The following KCNC2 variants were observed in gnomAD, a reference collection of about 807,000 sequenced individuals.
KCNC2 encodes the protein potassium voltage-gated channel subfamily C member 2.
Under a neutral mutation model 44.5 loss-of-function variants are expected in KCNC2, and 21 were observed. That is an observed-to-expected ratio of 0.47 (90% CI 0.33 to 0.68). The LOEUF (loss-of-function observed/expected upper bound fraction) is 0.68, where lower values mean the gene tolerates loss of function less well. Ranked by LOEUF, KCNC2 falls within the 30% of genes least tolerant of loss-of-function variation. The pLI is 0.01. For missense variants in KCNC2, 589 were observed against 826.2 expected, an observed-to-expected ratio of 0.71 and a Z score of 3.52; for synonymous variants, 391 against 339.1, an observed-to-expected ratio of 1.15 and a Z score of -1.68.
rs984795618 is a variant in KCNC2 at position 75,041,768 on chromosome 12, G to C, written c.*1337C>G. On this transcript the variant is annotated 3_prime_UTR_variant, in exon 5 of 5. Coordinates refer to ENST00000549446, the MANE Select transcript of KCNC2 (RefSeq NM_139137.4). ...CTGCTTAAACCCTGCTTATCAAAAA[G>C]ATTCACAGTGCCGATTAACTTAGGT... 5.0e-6 allele frequency: 5 copies of C among 991,106 alleles called. No homozygotes were observed. In the African/African-American group the frequency reaches 8.7e-5, roughly 17 times the overall value. 61.4% of individuals were successfully genotyped at this position (991,106 alleles called of 1,614,324 possible).
chr12:75,109,051 T>C (rs1319821667), intron 2 of KCNC2, among the ~76,000 whole-genome samples: 1 of 152,194 alleles, frequency 6.6e-6, no homozygotes, highest in Non-Finnish European at 1.5e-5. Flanking sequence ...CATTTCCTAA[T>C]GCAACAGTGG....
chr12:75,069,436 T>A (rs542783477), intron 2 of KCNC2, among the ~76,000 whole-genome samples: 1 of 152,160 alleles, frequency 6.6e-6, no homozygotes, highest in East Asian at 1.9e-4. Flanking sequence ...GTGCTCGGCC[T>A]CAATGTTATA....
At chr12:75,193,503 C>G (rs189948438) in intron 2 of KCNC2, among the ~76,000 whole-genome samples, 1 of 152,094 alleles carries the variant, frequency 6.6e-6, no homozygotes, top group Admixed American at 6.5e-5. Context: ...AGAATTTGCC[C>G]TTAGAATATA....
chr12:75,045,756 A>G (rs771583121), intron 4 of KCNC2, among the ~76,000 whole-genome samples: 18 of 152,090 alleles, frequency 1.2e-4, no homozygotes, highest in Middle Eastern at 3.4e-3. Context: ...ACAAACATGC[A>G]TTCTAAGTAT....
At chr12:75,161,171 T>C (rs1005391555) in intron 2 of KCNC2, among the ~76,000 whole-genome samples, 4 of 151,782 alleles carry the variant, frequency 2.6e-5, no homozygotes, top group African/African-American at 9.6e-5. Flanking sequence ...CTCAGGAGTG[T>C]TTTTTCTTTC....
Position 75,043,043 on chromosome 12 carries a change from A to G in KCNC2, c.*62T>C. 1.3e-6 allele frequency: 2 copies of G among 1,596,644 alleles called. No homozygotes were observed. Among genetic ancestry groups the G allele is most frequent in the South Asian group, 2.2e-5 (2 of 89,226 alleles). On this transcript the variant is annotated 3_prime_UTR_variant, in exon 5 of 5. Coordinates refer to ENST00000549446, the MANE Select transcript of KCNC2 (RefSeq NM_139137.4). ...AACTCTACATTTAATTATTTCCATT[A>G]TGGGGTAAACAGCACTTGAATTAAT...
chr12:75,047,899 A>G (rs1016763757), intron 4 of KCNC2, among the ~76,000 whole-genome samples: 2 of 152,086 alleles, frequency 1.3e-5, no homozygotes, highest in African/African-American at 4.8e-5. Flanking sequence ...ATTCCATTCC[A>G]ATTCTGCCCA....
At chr12:75,119,335 C>T (rs561798503) in intron 2 of KCNC2, among the ~76,000 whole-genome samples, 32 of 148,504 alleles carry the variant, frequency 2.2e-4, no homozygotes, top group Non-Finnish European at 4.4e-4. Context: ...GTGGCTTTGC[C>T]CAAAACTAAT....
chr12:75,137,593 A>G (rs73355625), intron 2 of KCNC2, among the ~76,000 whole-genome samples: 8,040 of 152,296 alleles, frequency 0.053, 261 homozygotes, highest in African/African-American at 0.08. Context: ...CCAAAATATT[A>G]TGTCCCAAAT....
At chr12:75,143,670 C>T (rs1889816314) in intron 2 of KCNC2, among the ~76,000 whole-genome samples, 1 of 152,178 alleles carries the variant, frequency 6.6e-6, no homozygotes, top group African/African-American at 2.4e-5. Context: ...AAAATTCCCA[C>T]TGTCATTTGA....
At position 75,208,739 on chromosome 12, in the gene KCNC2, G is replaced by GA. The variant is rs958425145; in HGVS notation, c.-20+467dup. Among the ~76,000 whole-genome samples the GA allele has an allele frequency of 5.1e-3, 754 of 149,294 alleles. 3 individuals are homozygous for GA. Among genetic ancestry groups the GA allele is most frequent in the African/African-American group, 0.017 (676 of 40,720 alleles). On this transcript the variant is annotated intron_variant, in intron 1 of 4. Transcript: ENST00000549446. The stretch of plus-strand genomic sequence containing the variant: ...GCAAAAAGACAACACAGAAGTCAGA[G>GA]AAAAAAAAAATCTCTGCTGTTGCTT...
chr12:75,118,725 G>A (rs1224769674), intron 2 of KCNC2, among the ~76,000 whole-genome samples: 1 of 152,172 alleles, frequency 6.6e-6, no homozygotes, highest in Non-Finnish European at 1.5e-5. Flanking sequence ...AAAACTTAAT[G>A]CAGCTAATAT....
chr12:75,149,192 T>C (rs932207651), intron 2 of KCNC2, among the ~76,000 whole-genome samples: 1 of 151,832 alleles, frequency 6.6e-6, no homozygotes, highest in African/African-American at 2.4e-5. Context: ...GGAGGAACTC[T>C]GTATTTGTGT....
In KCNC2 at chr12:75,207,882, C is replaced by A. The variant is rs1322776518; in HGVS notation, c.102G>T (p.Leu34=). The stretch of plus-strand genomic sequence containing the variant: ...GGGGCTCGGAGGAGGCAAGAAGGGC[C>A]AGGCGTGTTCCAGGCAGGGTCTTGA... ...STLKTLPGTR[L]ALLASSEPPG... is the part of the protein sequence containing the mutation. Residue 34 remains leucine (L), a synonymous_variant, in exon 2 of 5, where the codon CTG becomes CTT. Transcript: ENST00000549446. This position sits in a 1 kb window ranked among gnomAD's most constrained non-coding sequence, Gnocchi z 4.1. 3 of 1,612,662 alleles carry A rather than the reference C, an allele frequency of 1.9e-6. No individual in the cohort carries two copies. Among genetic ancestry groups the A allele is most frequent in the Non-Finnish European group, 2.5e-6 (3 of 1,179,882 alleles).
At chr12:75,130,465 A>G (rs773736756) in intron 2 of KCNC2, among the ~76,000 whole-genome samples, 1 of 152,220 alleles carries the variant, frequency 6.6e-6, no homozygotes. Context: ...TATAAAATAA[A>G]CAAATGAATG....
At chr12:75,156,253 T>A (rs1890750517) in intron 2 of KCNC2, among the ~76,000 whole-genome samples, 1 of 151,756 alleles carries the variant, frequency 6.6e-6, no homozygotes, top group Admixed American at 6.6e-5. Context: ...CGAAACATTT[T>A]TTTTTTGTAC....
chr12:75,201,116 T>C (rs1158551270), intron 2 of KCNC2, among the ~76,000 whole-genome samples: 1 of 150,958 alleles, frequency 6.6e-6, no homozygotes, highest in Non-Finnish European at 1.5e-5. Flanking sequence ...AGCAAAATGA[T>C]TTCCTGAGAT....
rs1357323122 is a variant in KCNC2 at position 75,042,807 on chromosome 12, G to T, written c.*298C>A. ...CTGTTTTAAATATATCTCCCTGAAG[G>T]TATGTTTATATATTAGTGCACTGGT... On this transcript the variant is annotated 3_prime_UTR_variant, in exon 5 of 5. Coordinates refer to ENST00000549446, the MANE Select transcript of KCNC2 (RefSeq NM_139137.4). 8.4e-7 allele frequency: 1 copy of T among 1,195,708 alleles called. No individual in the cohort carries two copies. The highest frequency in any genetic ancestry group is 1.0e-6 in the Non-Finnish European group (1 of 962,900). 74.1% of individuals were successfully genotyped at this position (1,195,708 alleles called of 1,614,324 possible). A position where few individuals can be genotyped will look rare whatever the true frequency, so the allele number is the denominator to read the frequency against.
intron 2 of KCNC2, among the ~76,000 whole-genome samples, chr12:75,157,373 GC>G (rs1294144947): frequency 2.0e-5 from 3 of 151,782 alleles, no homozygotes; most frequent in Non-Finnish European, 4.4e-5. Context: ...AGAAACCTAA[GC>G]TTTGACATCC....
Sources: allele counts gnomAD v4.1 joint callset (sites outside exome capture counted in the v4.1 genomes callset), GRCh38; gene constraint gnomAD v4.1.1; non-coding constraint Gnocchi (gnomAD v3.1); transcripts MANE v1.5; gene names NCBI Gene and HGNC (gene_info 2026-07-23, HGNC 2026-07-21).